Variants in FAM81A observed in about 807,000 individuals in gnomAD.
FAM81A encodes the protein family with sequence similarity 81 member A.
FAM81A carries 19 observed loss-of-function variants against 46.7 expected under a neutral mutation model. That is an observed-to-expected ratio of 0.41 (90% CI 0.28 to 0.60). The LOEUF is 0.60. FAM81A is among the 20% of genes least tolerant of loss of function. The pLI is 0.34. For synonymous variants in FAM81A, 183 were observed against 152.9 expected (o/e 1.20, Z -1.45); for missense variants, 377 against 453.5 (o/e 0.83, Z 1.53).
At chr15:59,428,450 T>C (rs1335915757) in intron 2 of FAM81A, among the ~76,000 whole-genome samples, 2 of 91,160 alleles carry the variant, frequency 2.2e-5, no homozygotes, top group Non-Finnish European at 4.9e-5. Context: ...TTATTATTAT[T>C]ATTATTTTGA....
In FAM81A at chr15:59,523,278, C is replaced by T. The variant is rs1224778312; in HGVS notation, c.*1900C>T. ...TGAGATGAGCCACCGCAGGTGTGCT[C>T]ACCTTGGCTACATGTTGAAATCATC... On this transcript the variant is annotated 3_prime_UTR_variant, in exon 9 of 9. Transcript: ENST00000288228. The T allele has an allele frequency of 6.6e-6, 1 of 152,268 alleles. No individual in the cohort carries two copies. The highest frequency in any genetic ancestry group is 6.5e-5 in the Admixed American group (1 of 15,290). The allele number at this position is 152,268 out of a possible 1,614,324, so 9.4% of individuals were successfully genotyped here. A position where few individuals can be genotyped will look rare whatever the true frequency, so the allele number is the denominator to read the frequency against.
chr15:59,511,141 AG>A (rs2082203874), intron 6 of FAM81A, among the ~76,000 whole-genome samples: 1 of 152,150 alleles, frequency 6.6e-6, no homozygotes, highest in African/African-American at 2.4e-5. Flanking sequence ...TACAAAAAGA[AG>A]GTCCAAAATA....
At chr15:59,458,073 C>G (rs2081505956) in intron 1 of FAM81A, among the ~76,000 whole-genome samples, 1 of 152,146 alleles carries the variant, frequency 6.6e-6, no homozygotes, top group African/African-American at 2.4e-5. Flanking sequence ...TGATCATGTG[C>G]TGTTTTATTT....
At chr15:59,428,413 ATATTATTATTAT>A (rs143696862) in intron 2 of FAM81A, among the ~76,000 whole-genome samples, 30,367 of 140,526 alleles carry the variant, frequency 0.22, 4,252 homozygotes, top group East Asian at 0.42. Context: ...ATTCTTTTTG[ATATTATTATTAT>A]TATTATTATT....
intron 1 of FAM81A, among the ~76,000 whole-genome samples, chr15:59,446,161 A>T (rs1370314770): frequency 2.6e-5 from 4 of 151,842 alleles, no homozygotes; most frequent in Admixed American, 6.6e-5. Flanking sequence ...TTCATGTAGG[A>T]TGTGGTTTCC....
intron 5 of FAM81A, among the ~76,000 whole-genome samples, chr15:59,507,984 A>C (rs2082167281): frequency 6.6e-6 from 1 of 152,246 alleles, no homozygotes; most frequent in Non-Finnish European, 1.5e-5. Context: ...TATTCCAGTA[A>C]AATAGGAGCA....
intron 1 of FAM81A, among the ~76,000 whole-genome samples, chr15:59,447,410 C>T (rs1017631897): frequency 8.5e-5 from 13 of 152,172 alleles, no homozygotes; most frequent in Middle Eastern, 3.2e-3. Flanking sequence ...ATGTGCTAGC[C>T]CAGTATATTT....
rs763666855 is a variant in FAM81A, at chr15:59,508,814, C to A, written c.544-49C>A. ...GCTTACTAAATGTTTTCTGAAGTTG[C>A]ATCTGAAGACGTTAGATGTGATATT... is the stretch of plus-strand genomic sequence containing the variant. On this transcript the variant is annotated intron_variant, in intron 5 of 8. Transcript: ENST00000288228. 2.9e-6 allele frequency: 4 copies of A among 1,379,936 alleles called. No individual in the cohort carries two copies. In the South Asian group the frequency reaches 3.7e-5, roughly 13 times the overall value. The allele number at this position is 1,379,936 out of a possible 1,614,324, so 85.5% of individuals were successfully genotyped here.
At chr15:59,410,797 G>A (rs2081117073) in intron 2 of FAM81A, among the ~76,000 whole-genome samples, 2 of 152,208 alleles carry the variant, frequency 1.3e-5, no homozygotes, top group African/African-American at 4.8e-5. Context: ...AGGCTATTGT[G>A]CAGTGGCTGA....
intron 2 of FAM81A, among the ~76,000 whole-genome samples, chr15:59,402,750 C>T (rs2081077405): frequency 6.6e-6 from 1 of 151,912 alleles, no homozygotes; most frequent in Non-Finnish European, 1.5e-5. Context: ...GATGGGGTTT[C>T]ACCATGTTAG....
At chr15:59,471,634 C>A (rs2081691980) in intron 3 of FAM81A, among the ~76,000 whole-genome samples, 2 of 69,482 alleles carry the variant, frequency 2.9e-5, no homozygotes, top group Non-Finnish European at 5.0e-5. Flanking sequence ...GCTAATTTTT[C>A]TTATTTTTTT....
At chr15:59,410,303 A>G (rs1024265336) in intron 2 of FAM81A, among the ~76,000 whole-genome samples, 12 of 152,204 alleles carry the variant, frequency 7.9e-5, no homozygotes, top group Admixed American at 3.9e-4. Context: ...TGTCCAAAAA[A>G]AAGAAGAAGA....
chr15:59,412,555 A>G (rs1451761552), intron 2 of FAM81A, among the ~76,000 whole-genome samples: 2 of 151,934 alleles, frequency 1.3e-5, no homozygotes, highest in Non-Finnish European at 2.9e-5. Flanking sequence ...GCGAAACCCT[A>G]TCTCTACAAA....
intron 1 of FAM81A, chr15:59,445,396 C>G (rs1173832035): frequency 6.6e-6 from 1 of 152,124 alleles, no homozygotes; most frequent in Non-Finnish European, 1.5e-5. Context: ...TATTCAGAAA[C>G]CCCTGGTGGC....
rs1478403233 is a variant in FAM81A at position 59,521,806 on chromosome 15, A to G, written c.*428A>G. On this transcript the variant is annotated 3_prime_UTR_variant, in exon 9 of 9. Coordinates refer to ENST00000288228, the MANE Select transcript of FAM81A (RefSeq NM_152450.3). The stretch of plus-strand genomic sequence containing the variant: ...TTGCTCCTCACCCTAAATTAAGAGA[A>G]TGTCCCAGTAGATTAGACTTCAACC... The G allele has an allele frequency of 6.5e-6, 1 of 153,026 alleles. No homozygotes were observed. Among genetic ancestry groups the G allele is most frequent in the Non-Finnish European group, 1.5e-5 (1 of 68,628 alleles). 9.5% of individuals were successfully genotyped at this position (153,026 alleles called of 1,614,324 possible).
intron 1 of FAM81A, among the ~76,000 whole-genome samples, chr15:59,400,754 T>C (rs1277936686): frequency 6.6e-6 from 1 of 152,222 alleles, no homozygotes; most frequent in Non-Finnish European, 1.5e-5. Context: ...CTCTTTCTGT[T>C]GTCAGTGCCG....
chr15:59,519,378 G>A (rs1267976834), intron 8 of FAM81A, among the ~76,000 whole-genome samples: 4 of 151,906 alleles, frequency 2.6e-5, no homozygotes, highest in East Asian at 1.9e-4. Flanking sequence ...TAGTAGAGAT[G>A]GAGTTTCATG....
chr15:59,476,021 C>T (rs2081762561), intron 3 of FAM81A, among the ~76,000 whole-genome samples: 1 of 152,142 alleles, frequency 6.6e-6, no homozygotes, highest in Non-Finnish European at 1.5e-5. Context: ...GCTGGTAGAT[C>T]CAGTGTCTGG....
At chr15:59,429,860 G>T (rs2081211885) in intron 2 of FAM81A, among the ~76,000 whole-genome samples, 1 of 152,158 alleles carries the variant, frequency 6.6e-6, no homozygotes. Flanking sequence ...ATAGATGTAG[G>T]CAGAAGTCCT....
Sources: allele counts gnomAD v4.1 joint callset (sites outside exome capture counted in the v4.1 genomes callset), GRCh38; gene constraint gnomAD v4.1.1; transcripts MANE v1.5; gene names NCBI Gene and HGNC (gene_info 2026-07-23, HGNC 2026-07-21).